Variants in RUFY3 observed in about 807,000 individuals in gnomAD.
The protein encoded by RUFY3 is RUN and FYVE domain containing 3, also known as protein RUFY3.
Under a neutral mutation model 84.0 loss-of-function variants are expected in RUFY3, and 34 were observed. The observed-to-expected ratio is 0.40, with a 90% CI of 0.31 to 0.54. RUFY3 has a LOEUF of 0.54. RUFY3 is among the 20% of genes least tolerant of loss of function. RUFY3 has a pLI of 0.39. For synonymous variants in RUFY3, 242 were observed against 252.9 expected, an observed-to-expected ratio of 0.96 and a Z score of 0.41; for missense variants, 507 against 736.8, an observed-to-expected ratio of 0.69 and a Z score of 3.61.
At chr4:70,737,560 CT>C (rs1720528052) in intron 1 of RUFY3, among the ~76,000 whole-genome samples, 1 of 152,096 alleles carries the variant, frequency 6.6e-6, no homozygotes, top group Non-Finnish European at 1.5e-5. Context: ...TCAGGGCTTT[CT>C]TTCCTCATCC....
At chr4:70,769,175 C>T (rs1043455059) in intron 5 of RUFY3, among the ~76,000 whole-genome samples, 3 of 151,814 alleles carry the variant, frequency 2.0e-5, no homozygotes, top group Non-Finnish European at 2.9e-5. Context: ...AGTGAGACCC[C>T]GTCTCTACAA....
At chr4:70,727,269 G>T (rs1718415656) in intron 1 of RUFY3, among the ~76,000 whole-genome samples, 1 of 148,824 alleles carries the variant, frequency 6.7e-6, no homozygotes, top group Non-Finnish European at 1.5e-5. Flanking sequence ...TTTTTTTTAA[G>T]TCACATGCTC....
chr4:70,776,724 C>T (rs1377081223), intron 7 of RUFY3, among the ~76,000 whole-genome samples: 2 of 152,134 alleles, frequency 1.3e-5, no homozygotes, highest in Non-Finnish European at 2.9e-5. Flanking sequence ...TACAGTAAGC[C>T]GAGATCGCGC....
chr4:70,765,466 G>C (rs912154301), intron 4 of RUFY3, among the ~76,000 whole-genome samples: 1 of 152,116 alleles, frequency 6.6e-6, no homozygotes, highest in African/African-American at 2.4e-5. Context: ...GATCATGATA[G>C]TGATTACACA....
At chr4:70,758,258 A>G (rs1724371424) in intron 1 of RUFY3, among the ~76,000 whole-genome samples, 2 of 152,202 alleles carry the variant, frequency 1.3e-5, no homozygotes, top group Non-Finnish European at 2.9e-5. Flanking sequence ...CTTGAATAGT[A>G]TTTAAGACAA....
At chr4:70,727,447 C>T (rs890166561) in intron 1 of RUFY3, among the ~76,000 whole-genome samples, 19 of 149,114 alleles carry the variant, frequency 1.3e-4, no homozygotes, top group African/African-American at 1.7e-4. Context: ...CCTCTGCCTC[C>T]CAGGTTCAAG....
chr4:70,764,671 A>G, intron 4 of RUFY3, 95 bp downstream of exon 4: 2 of 688,848 alleles, frequency 2.9e-6, no homozygotes, highest in Non-Finnish European at 4.9e-6. Flanking sequence ...TAGATCAGAA[A>G]CATTTGATTC....
chr4:70,763,829 A>C (rs1409110704), intron 3 of RUFY3, among the ~76,000 whole-genome samples, 160 bp downstream of exon 3: 2 of 152,256 alleles, frequency 1.3e-5, no homozygotes, highest in Non-Finnish European at 2.9e-5. Flanking sequence ...ATTGGTATAC[A>C]GAATATTGAG....
Position 70,784,829 on chromosome 4 carries a change from G to C in RUFY3, c.1021G>C (p.Ala341Pro), listed in dbSNP as rs1335568589. ...PKQDRTAEGQ[A>P]LSEARKHLKE... ...GCAAGACAGAACTGCAGAAGGGCAA[G>C]CACTAAGTGAAGCAAGAAAGCATTT... Residue 341 changes from alanine to proline, a missense_variant, in exon 10 of 18, where the codon GCA becomes CCA. This residue lies in a region of RUFY3 where 334 missense variants were observed against 364.1 expected (regional missense o/e 0.92). Transcript: ENST00000381006. 1.2e-6 allele frequency: 2 copies of C among 1,606,848 alleles called. No individual in the cohort carries two copies. Among genetic ancestry groups the C allele is most frequent in the African/African-American group, 2.7e-5 (2 of 74,398 alleles).
chr4:70,756,084 C>T (rs1723969808), intron 1 of RUFY3, among the ~76,000 whole-genome samples: 1 of 152,138 alleles, frequency 6.6e-6, no homozygotes, highest in Admixed American at 6.5e-5. Flanking sequence ...ATGTGATCTG[C>T]ACCATCGTCC....
intron 1 of RUFY3, among the ~76,000 whole-genome samples, chr4:70,753,037 G>C (rs917962352): frequency 1.3e-5 from 2 of 151,848 alleles, no homozygotes; most frequent in African/African-American, 4.8e-5. Flanking sequence ...GGCCTCCTCT[G>C]TATGCTATTT....
At chr4:70,750,534 A>G (rs1722958501) in intron 1 of RUFY3, among the ~76,000 whole-genome samples, 1 of 152,196 alleles carries the variant, frequency 6.6e-6, no homozygotes, top group South Asian at 2.1e-4. Context: ...AGCCTTATTG[A>G]GGTACAATTC....
rs190207481 is a variant in RUFY3 at position 70,715,746 on chromosome 4, T to C, written c.358+10452T>C. ...GCTTTACAAATTTAGTTGCACAACT[T>C]GACAAATTTTAGGAAGAAGTTTCTA... On this transcript the variant is annotated intron_variant, in intron 1 of 11. Coordinates refer to the RUFY3 transcript ENST00000417478. 2.0e-5 allele frequency among the ~76,000 whole-genome samples: 3 copies of C among 152,270 alleles called. No homozygotes were observed. In the East Asian group the frequency reaches 5.8e-4, roughly 29 times the overall value.
At chr4:70,728,126 A>G (rs940311709) in intron 1 of RUFY3, among the ~76,000 whole-genome samples, 1 of 152,230 alleles carries the variant, frequency 6.6e-6, no homozygotes, top group Non-Finnish European at 1.5e-5. Flanking sequence ...ATACCATAAA[A>G]TGAAAATTCA....
At chr4:70,786,198 G>A (rs935989885) in intron 10 of RUFY3, among the ~76,000 whole-genome samples, 1 of 152,114 alleles carries the variant, frequency 6.6e-6, no homozygotes, top group African/African-American at 2.4e-5. Flanking sequence ...AATCTAAAAC[G>A]TTGTTCTCAT....
At chr4:70,747,491 GGT>G (rs1470615047) in intron 1 of RUFY3, among the ~76,000 whole-genome samples, 1 of 148,072 alleles carries the variant, frequency 6.8e-6, no homozygotes, top group Non-Finnish European at 1.5e-5. Flanking sequence ...CCACTGTCTA[GGT>G]GTGTGCAAAA....
intron 12 of RUFY3, chr4:70,791,197 A>C: frequency 6.3e-7 from 1 of 1,585,140 alleles, no homozygotes; most frequent in Non-Finnish European, 8.7e-7. Context: ...TTCTCCTTTC[A>C]CTTCATTGTC....
intron 1 of RUFY3, among the ~76,000 whole-genome samples, chr4:70,750,295 C>T (rs1359043990): frequency 6.6e-6 from 1 of 152,078 alleles, no homozygotes; most frequent in African/African-American, 2.4e-5. Context: ...ATTTTTGTTT[C>T]TGGAGCATTT....
chr4:70,750,101 T>G (rs1194286046), intron 1 of RUFY3, among the ~76,000 whole-genome samples: 1 of 152,146 alleles, frequency 6.6e-6, no homozygotes, highest in Non-Finnish European at 1.5e-5. Flanking sequence ...CTTTGAACTC[T>G]TGGTTCAAGT....
Sources: allele counts gnomAD v4.1 joint callset (sites outside exome capture counted in the v4.1 genomes callset), GRCh38; gene constraint gnomAD v4.1.1; regional missense constraint gnomAD v4.1.1; transcripts MANE v1.5; gene names NCBI Gene and HGNC (gene_info 2026-07-23, HGNC 2026-07-21).